Variants in EP400 observed in about 807,000 individuals in gnomAD.
EP400 encodes E1A-binding protein p400.
Under a neutral mutation model 354.1 loss-of-function variants are expected in EP400, and 105 were observed. That is an observed-to-expected ratio of 0.30 (90% confidence interval 0.25 to 0.35). EP400 has a LOEUF of 0.35. Ranked by LOEUF, EP400 falls within the 10% of genes least tolerant of loss-of-function variation. The probability of loss-of-function intolerance (pLI) is 1.00; values close to 1 mark genes in which losing one functional copy is unlikely to be tolerated. For missense variants in EP400, 3,280 were observed against 4,121.0 expected (o/e 0.80, Z 5.59); for synonymous variants, 1,646 against 1,716.9 (o/e 0.96, Z 1.02).
chr12:131,979,967 G>T (rs1892623272), intron 3 of EP400, among the ~76,000 whole-genome samples, 174 bp downstream of exon 3: 1 of 152,224 alleles, frequency 6.6e-6, no homozygotes, highest in African/African-American at 2.4e-5. Flanking sequence ...GAATTTTTCT[G>T]TGTCCTGAAG....
At position 132,044,851 on chromosome 12, in the gene EP400, T is replaced by A. The variant is rs369533101; in HGVS notation, c.6682T>A (p.Ser2228Thr). The A allele has an allele frequency of 3.1e-5, 50 of 1,614,014 alleles. No homozygotes were observed. Among genetic ancestry groups the A allele is most frequent in the Non-Finnish European group, 4.1e-5 (48 of 1,180,036 alleles). The change falls in exon 37 of 53, where the codon TCG (serine) becomes ACG (threonine). Residue 2228 changes from serine (S) to threonine (T), a missense_variant. Ser to Thr is a moderately conservative substitution (Grantham distance 58). Transcript: ENST00000389561. ...GGACGACAGCGACATCTACCTCGACTCGGTCATGTGTCTCATGTATGAAGC... is the reference window on the plus strand; with the variant it reads ...GGACGACAGCGACATCTACCTCGACACGGTCATGTGTCTCATGTATGAAGC... ...PQDDSDIYLD[S>T]VMCLMYEATP...
At position 132,052,580 on chromosome 12, in the gene EP400, T is replaced by C. The variant is rs561911218; in HGVS notation, c.7395-566T>C. The stretch of plus-strand genomic sequence containing the variant: ...CTTCAGACCCACTGCACATTTTACC[T>C]GTTTGTCGTCTGATGTGAGTGCTGT... On this transcript the variant is annotated intron_variant, in intron 41 of 52. Transcript: ENST00000389561. The surrounding 1 kb of genome is among the most constrained non-coding windows in gnomAD (Gnocchi z 4.4). 1.7e-4 allele frequency among the ~76,000 whole-genome samples: 26 copies of C among 152,356 alleles called. No individual in the cohort carries two copies. Among genetic ancestry groups the C allele is most frequent in the Admixed American group, 1.3e-3 (20 of 15,294 alleles).
At chr12:132,074,478 C>T (rs1896168958) in intron 51 of EP400, among the ~76,000 whole-genome samples, 1 of 152,180 alleles carries the variant, frequency 6.6e-6, no homozygotes, top group Non-Finnish European at 1.5e-5. Flanking sequence ...CCACTGTCTG[C>T]CTGTTATCGA....
intron 32 of EP400, among the ~76,000 whole-genome samples, chr12:132,042,319 A>G (rs900909180): frequency 1.3e-5 from 2 of 152,158 alleles, no homozygotes; most frequent in South Asian, 4.1e-4. Context: ...TTTGTTTGAT[A>G]CACTTGACAT....
intron 2 of EP400, among the ~76,000 whole-genome samples, chr12:131,966,562 C>CAAAAAAAAAAAAAAAAA (rs534384776): frequency 1.7e-4 from 10 of 57,516 alleles, no homozygotes; most frequent in South Asian, 7.8e-4. Flanking sequence ...TACCCTACCT[C>CAAAAAAAAAAAAAAAAA]AAAAAAAAAA....
At chr12:132,040,876 G>T (rs12425767) in intron 32 of EP400, among the ~76,000 whole-genome samples, 17,442 of 152,136 alleles carry the variant, frequency 0.11, 1,289 homozygotes, top group African/African-American at 0.21. Context: ...TAAGAGAGTC[G>T]CTCTGACTCC....
chr12:132,050,596 C>T lies in EP400; in HGVS notation c.7338-3C>T, dbSNP rs2136586898. ...AATTGCTGTCTCACTGTCTATACTTCAGGCTTGGCATGAATCCCTTTCAGA... is the reference window on the plus strand; with the variant it reads ...AATTGCTGTCTCACTGTCTATACTTTAGGCTTGGCATGAATCCCTTTCAGA... On this transcript the variant is annotated splice_region_variant and splice_polypyrimidine_tract_variant and intron_variant, in intron 40 of 52. Coordinates refer to ENST00000389561, the MANE Select transcript of EP400 (RefSeq NM_015409.5). This position sits in a 1 kb window ranked among gnomAD's most constrained non-coding sequence, Gnocchi z 4.8. 6.2e-7 allele frequency: 1 copy of T among 1,614,202 alleles called. No individual in the cohort carries two copies. Among genetic ancestry groups the T allele is most frequent in the East Asian group, 2.2e-5 (1 of 44,878 alleles).
chr12:132,062,331 C>G lies in EP400; in HGVS notation c.8098+8C>G. ...TGCCCCAAGTGTCCCAAGGTAAAGC[C>G]AGGCTGGGAGCTTTCTCTGCCACAC... On this transcript the variant is annotated splice_region_variant and intron_variant, in intron 46 of 52. Transcript: ENST00000389561. The G allele has an allele frequency of 6.2e-7, 1 of 1,613,924 alleles. No homozygotes were observed. Among genetic ancestry groups the G allele is most frequent in the East Asian group, 2.2e-5 (1 of 44,866 alleles).
In EP400 at chr12:131,986,683, C is replaced by T. The variant is rs1388493739; in HGVS notation, c.2099C>T (p.Ser700Phe). 6.8e-6 allele frequency: 11 copies of T among 1,614,104 alleles called. No individual in the cohort carries two copies. The highest frequency in any genetic ancestry group is 7.6e-6 in the Non-Finnish European group (9 of 1,180,036). ...RPSSATNKAL[S>F]PVTSRTPGVV... ...TCCTCAGCCACCAATAAGGCACTAT[C>T]TCCAGTCACTTCCCGGACCCCAGGG... Residue 700 changes from serine (S) to phenylalanine (F), a missense_variant, in exon 6 of 53, where the codon TCT becomes TTT. By Grantham distance (155) the Ser-to-Phe change is radical. Coordinates refer to ENST00000389561, the MANE Select transcript of EP400 (RefSeq NM_015409.5).
chr12:132,016,768 T>G (rs1410563086), intron 19 of EP400, among the ~76,000 whole-genome samples: 2 of 152,204 alleles, frequency 1.3e-5, no homozygotes, highest in Non-Finnish European at 2.9e-5. Context: ...GTGGCAGAAC[T>G]GAGCTCGTGT....
At position 132,069,479 on chromosome 12, in the gene EP400, C is replaced by A; in HGVS notation, c.8875-16C>A. The A allele has an allele frequency of 1.2e-6, 2 of 1,612,036 alleles. No individual in the cohort carries two copies. Among genetic ancestry groups the A allele is most frequent in the Non-Finnish European group, 1.7e-6 (2 of 1,178,428 alleles). ...GGCATGGTCTCTGCGGCCCTAATTT[C>A]GCAGTCTCTCCCCAGATCACCGCAC... On this transcript the variant is annotated splice_polypyrimidine_tract_variant and intron_variant, in intron 50 of 52. Coordinates refer to ENST00000389561, the MANE Select transcript of EP400 (RefSeq NM_015409.5).
intron 50 of EP400, 168 bp from the exon 51 acceptor site, chr12:132,069,327 C>T (rs1185639959): frequency 1.7e-5 from 16 of 922,006 alleles, no homozygotes; most frequent in South Asian, 1.6e-4. Flanking sequence ...CTGGAGGCAG[C>T]GGCAGGGATG....
chr12:132,065,350 G>T, intron 48 of EP400: 1 of 164,778 alleles, frequency 6.1e-6, no homozygotes, highest in Admixed American at 5.7e-5. Flanking sequence ...CGCAAGTGCT[G>T]TCTGGGAAGA....
At chr12:131,977,638 A>AAT (rs1892529736) in intron 2 of EP400, among the ~76,000 whole-genome samples, 1 of 152,172 alleles carries the variant, frequency 6.6e-6, no homozygotes, top group African/African-American at 2.4e-5. Flanking sequence ...CCCCAGAGGT[A>AAT]ACCACTGCCA....
At chr12:132,014,010 A>G in intron 19 of EP400, 97 bp downstream of exon 19, 1 of 1,524,298 alleles carries the variant, frequency 6.6e-7, no homozygotes, top group African/African-American at 1.4e-5. Flanking sequence ...CCTTTCCGCA[A>G]GGATTGGGTG....
At position 132,031,776 on chromosome 12, in the gene EP400, C is replaced by T. The variant is rs573848385; in HGVS notation, c.5755-177C>T. Among the ~76,000 whole-genome samples, 11 of 152,198 alleles carry T rather than the reference C, an allele frequency of 7.2e-5. No individual in the cohort carries two copies. In the East Asian group the frequency reaches 1.5e-3, roughly 21 times the overall value. On this transcript the variant is annotated intron_variant, in intron 29 of 52. Coordinates refer to ENST00000389561, the MANE Select transcript of EP400 (RefSeq NM_015409.5). ...TTCGCCATGTTAGCCAGGATGATCTCGATCTGCTGACCTTGTGATCCACCC... is the reference window on the plus strand; with the variant it reads ...TTCGCCATGTTAGCCAGGATGATCTTGATCTGCTGACCTTGTGATCCACCC...
chr12:131,991,546 G>A, intron 10 of EP400, 90 bp downstream of exon 10: 2 of 1,111,642 alleles, frequency 1.8e-6, no homozygotes, highest in Non-Finnish European at 2.7e-6. Flanking sequence ...AGAGGAATTT[G>A]TAGGCTGTGA....
At chr12:131,974,134 A>G (rs1304524894) in intron 2 of EP400, among the ~76,000 whole-genome samples, 1 of 151,644 alleles carries the variant, frequency 6.6e-6, no homozygotes, top group Non-Finnish European at 1.5e-5. Context: ...GTGTGCCACC[A>G]TGCCCAGCTA....
At position 131,982,397 on chromosome 12, in the gene EP400, G is replaced by A. The variant is rs375973870; in HGVS notation, c.1848G>A (p.Ser616=). Residue 616 remains serine (S), a synonymous_variant, in exon 5 of 53, where the codon TCG becomes TCA. Coordinates refer to ENST00000389561, the MANE Select transcript of EP400 (RefSeq NM_015409.5). ...PPSSQLPIPP[S]QPAQLALHVP... Reference sequence around the variant, plus strand: ...GCAGCCAACTCCCCATCCCTCCCTCGCAGCCTGCACAGCTGGCCCTCCACG... The same window carrying A: ...GCAGCCAACTCCCCATCCCTCCCTCACAGCCTGCACAGCTGGCCCTCCACG... The A allele has an allele frequency of 4.3e-6, 7 of 1,613,900 alleles. No individual in the cohort carries two copies. Among genetic ancestry groups the A allele is most frequent in the East Asian group, 2.2e-5 (1 of 44,884 alleles).
Sources: allele counts gnomAD v4.1 joint callset (sites outside exome capture counted in the v4.1 genomes callset), GRCh38; gene constraint gnomAD v4.1.1; non-coding constraint Gnocchi (gnomAD v3.1); transcripts MANE v1.5; gene names NCBI Gene and HGNC (gene_info 2026-07-23, HGNC 2026-07-21).